The following KIF13A variants were observed in gnomAD, a reference collection of about 807,000 sequenced individuals.
The protein encoded by KIF13A is kinesin family member 13A.
In KIF13A, 79 loss-of-function variants were observed where a neutral mutation model predicts 212.2. That is an observed-to-expected ratio of 0.37 (90% CI 0.31 to 0.45). The LOEUF (loss-of-function observed/expected upper bound fraction) is 0.45. Among genes scored for constraint, KIF13A ranks in the 20% least tolerant of loss-of-function variants. KIF13A has a pLI of 1.00. For synonymous variants in KIF13A, 789 were observed against 808.6 expected, an observed-to-expected ratio of 0.98 and a Z score of 0.41; for missense variants, 1,901 against 2,209.0, an observed-to-expected ratio of 0.86 and a Z score of 2.79.
intron 4 of KIF13A, among the ~76,000 whole-genome samples, chr6:17,865,827 A>G (rs1394017773): frequency 6.6e-6 from 1 of 152,234 alleles, no homozygotes; most frequent in East Asian, 1.9e-4. Context: ...TTTCCACTGT[A>G]GCATTCAAAA....
chr6:17,902,701 C>A (rs925534498), intron 2 of KIF13A, among the ~76,000 whole-genome samples: 1 of 152,218 alleles, frequency 6.6e-6, no homozygotes, highest in Non-Finnish European at 1.5e-5. Context: ...ACTACTTCTA[C>A]TATCCCAAGA....
intron 2 of KIF13A, among the ~76,000 whole-genome samples, chr6:17,948,521 C>A: frequency 6.6e-6 from 1 of 151,218 alleles, no homozygotes; most frequent in Admixed American, 6.6e-5. Context: ...CATTTTGGCT[C>A]CCAAATTTGA....
In KIF13A at chr6:17,987,494, G is replaced by C. The variant is rs1403209979; in HGVS notation, c.-31C>G. The stretch of plus-strand genomic sequence containing the variant: ...CTGCGCTCGCCCGGCCGCTCGCCGC[G>C]CCCGCTCGGCCTTAGGCGGCCCCTC... On this transcript the variant is annotated 5_prime_UTR_variant, in exon 1 of 39. Coordinates refer to ENST00000259711, the MANE Select transcript of KIF13A (RefSeq NM_022113.6). This position sits in a 1 kb window ranked among gnomAD's most constrained non-coding sequence, Gnocchi z 7.7. 1 of 1,231,830 alleles carries C rather than the reference G, an allele frequency of 8.1e-7. No individual in the cohort carries two copies. 76.3% of individuals were successfully genotyped at this position (1,231,830 alleles called of 1,614,324 possible).
rs776820595 is a variant in KIF13A at position 17,781,226 on chromosome 6, T to A, written c.3620A>T (p.His1207Leu). 6.2e-7 allele frequency: 1 copy of A among 1,613,920 alleles called. No homozygotes were observed. The highest frequency in any genetic ancestry group is 1.1e-5 in the South Asian group (1 of 91,074). Reference protein sequence around the residue: ...SGVNSILPKEHGSQFFYLPII... With the variant: ...SGVNSILPKELGSQFFYLPII... The stretch of plus-strand genomic sequence containing the variant: ...GGGCAGGTAGAAAAACTGGCTGCCA[T>A]GCTCCTTGGGCAGGATGGAGTTCAC... Residue 1207 changes from histidine to leucine, a missense_variant, in exon 30 of 39, where the codon CAT becomes CTT. His to Leu is a moderately conservative substitution (Grantham distance 99, BLOSUM62 -3). Around this residue, in one of 5 missense-constraint regions of KIF13A, gnomAD observed 687 missense variants for 759.1 expected, o/e 0.90. Transcript: ENST00000259711.
chr6:17,792,967 G>A (rs1358878001), intron 25 of KIF13A, among the ~76,000 whole-genome samples: 2 of 152,152 alleles, frequency 1.3e-5, no homozygotes, highest in South Asian at 2.1e-4. Context: ...CACATATGAC[G>A]GTGAGGGAGG....
Position 17,826,772 on chromosome 6 carries a change from A to G in KIF13A, c.1533-648T>C, listed in dbSNP as rs1764993640. On this transcript the variant is annotated intron_variant, in intron 14 of 38. Transcript: ENST00000259711. The surrounding 1 kb of genome is among the most constrained non-coding windows in gnomAD (Gnocchi z 4.7). The stretch of plus-strand genomic sequence containing the variant: ...CTGAACACTGACTGGCTATATGAAG[A>G]TTAGTAACGAATTATTATTAATTAT... 6.6e-6 allele frequency among the ~76,000 whole-genome samples: 1 copy of G among 152,208 alleles called. No homozygotes were observed. The highest frequency in any genetic ancestry group is 6.5e-5 in the Admixed American group (1 of 15,286).
At chr6:17,950,503 A>C (rs1288685852) in intron 2 of KIF13A, 7 of 985,244 alleles carry the variant, frequency 7.1e-6, no homozygotes, top group Non-Finnish European at 7.2e-6. Flanking sequence ...TTTAGGACCA[A>C]CAGATAGAAG....
intron 38 of KIF13A, among the ~76,000 whole-genome samples, chr6:17,765,912 T>G (rs1467791750): frequency 6.6e-6 from 1 of 152,234 alleles, no homozygotes; most frequent in African/African-American, 2.4e-5. Context: ...ATCCACTACA[T>G]GGCAGCCATT....
chr6:17,803,948 C>G (rs1762704145), intron 20 of KIF13A, among the ~76,000 whole-genome samples: 1 of 152,288 alleles, frequency 6.6e-6, no homozygotes, highest in South Asian at 2.1e-4. Flanking sequence ...GTCAGGAGAT[C>G]AAGACCATCC....
intron 2 of KIF13A, among the ~76,000 whole-genome samples, chr6:17,985,606 T>C (rs989914709): frequency 1.1e-4 from 12 of 113,778 alleles, no homozygotes; most frequent in African/African-American, 3.5e-4. Context: ...CCAACAGAAT[T>C]TTTTCCCGAA....
rs1009885620 is a variant in KIF13A, at chr6:17,794,038, A to G, written c.3222+211T>C. ...GCCTAAAGTTAATGACTACTATAGC[A>G]TTAGGATGCGTGTGTTTATAAATAA... is the stretch of plus-strand genomic sequence containing the variant. On this transcript the variant is annotated intron_variant, in intron 25 of 38. Transcript: ENST00000259711. The surrounding 1 kb of genome is among the most constrained non-coding windows in gnomAD (Gnocchi z 4.1). Among the ~76,000 whole-genome samples the G allele has an allele frequency of 6.6e-6, 1 of 152,360 alleles. No homozygotes were observed. Among genetic ancestry groups the G allele is most frequent in the Non-Finnish European group, 1.5e-5 (1 of 68,030 alleles).
chr6:17,970,605 C>A (rs1779735828), intron 2 of KIF13A, among the ~76,000 whole-genome samples: 4 of 152,140 alleles, frequency 2.6e-5, no homozygotes, highest in Admixed American at 2.6e-4. Context: ...TCCCCTAACC[C>A]CCTTCTTTAT....
chr6:17,860,344 A>G (rs1053811450), intron 4 of KIF13A, among the ~76,000 whole-genome samples: 5 of 151,974 alleles, frequency 3.3e-5, no homozygotes, highest in African/African-American at 1.2e-4. Context: ...GCCCACCACC[A>G]AGTCCAGCTA....
At chr6:17,812,542 T>C (rs767151948) in intron 17 of KIF13A, 20 of 152,246 alleles carry the variant, frequency 1.3e-4, no homozygotes, top group Non-Finnish European at 2.2e-4. Context: ...TAGTATTCCA[T>C]GGTGTACATG....
chr6:17,844,825 G>A (rs1204250626), intron 9 of KIF13A, among the ~76,000 whole-genome samples: 1 of 152,084 alleles, frequency 6.6e-6, no homozygotes, highest in Non-Finnish European at 1.5e-5. Context: ...CTTGAGTAAT[G>A]GACAGAAGTA....
At chr6:17,864,144 G>A (rs1024339675) in intron 4 of KIF13A, among the ~76,000 whole-genome samples, 5 of 152,150 alleles carry the variant, frequency 3.3e-5, no homozygotes, top group African/African-American at 9.6e-5. Context: ...CAGACAATCC[G>A]AGCAGAGCCA....
At chr6:17,761,260 T>G (rs1302198620), downstream of KIF13A, among the ~76,000 whole-genome samples, 1 of 152,194 alleles carries the variant, frequency 6.6e-6, no homozygotes, top group East Asian at 1.9e-4. Context: ...TTTAAATTTT[T>G]GTAGAGACAG....
intron 2 of KIF13A, among the ~76,000 whole-genome samples, chr6:17,975,671 G>A (rs142579714): frequency 0.019 from 2,941 of 152,320 alleles, 42 homozygotes; most frequent in Non-Finnish European, 0.031. Context: ...CCAGAGGTCT[G>A]TTTTGACAGG....
Position 17,977,326 on chromosome 6 carries a change from C to G in KIF13A, c.146+9728G>C, listed in dbSNP as rs546604978. On this transcript the variant is annotated intron_variant, in intron 2 of 38. Coordinates refer to ENST00000259711, the MANE Select transcript of KIF13A (RefSeq NM_022113.6). ...TGGAAATTATCAACTTTTATCTTCA[C>G]TATAATGTAAGAGAATAGTTCACGT... Among the ~76,000 whole-genome samples the G allele has an allele frequency of 9.2e-5, 14 of 152,246 alleles. No individual in the cohort carries two copies. In the South Asian group the frequency reaches 2.7e-3, roughly 29 times the overall value.
Sources: allele counts gnomAD v4.1 joint callset (sites outside exome capture counted in the v4.1 genomes callset), GRCh38; gene constraint gnomAD v4.1.1; regional missense constraint gnomAD v4.1.1; non-coding constraint Gnocchi (gnomAD v3.1); transcripts MANE v1.5; gene names NCBI Gene and HGNC (gene_info 2026-07-23, HGNC 2026-07-21).